Variants in CWC27 observed in about 807,000 individuals in gnomAD.
CWC27 encodes the protein CWC27 spliceosome associated cyclophilin, also known as spliceosome-associated protein CWC27 homolog.
In CWC27, 47 loss-of-function variants were observed where a neutral mutation model predicts 63.6. The observed-to-expected ratio is 0.74, with a 90% confidence interval of 0.58 to 0.94. The LOEUF is 0.94. Ranked by LOEUF, CWC27 falls within the 40% of genes least tolerant of loss-of-function variation. The probability of loss-of-function intolerance (pLI) is 0.00; values close to 1 mark genes in which losing one functional copy is unlikely to be tolerated. For synonymous variants in CWC27, 175 were observed against 179.8 expected, an observed-to-expected ratio of 0.97 and a Z score of 0.22; for missense variants, 495 against 554.3, an observed-to-expected ratio of 0.89 and a Z score of 1.07.
chr5:64,845,109 T>C, intron 10 of CWC27: 1 of 437,348 alleles, frequency 2.3e-6, no homozygotes, highest in Non-Finnish European at 4.6e-6. Flanking sequence ...CAGTGGAGTC[T>C]ATCCAGCAGC....
chr5:64,861,847 A>G (rs1486482703), intron 10 of CWC27, among the ~76,000 whole-genome samples: 1 of 152,188 alleles, frequency 6.6e-6, no homozygotes, highest in Non-Finnish European at 1.5e-5. Flanking sequence ...CTAAACTATC[A>G]TTCTCATTAC....
At chr5:64,965,239 C>T (rs1355464561) in intron 11 of CWC27, among the ~76,000 whole-genome samples, 1 of 152,214 alleles carries the variant, frequency 6.6e-6, no homozygotes, top group Non-Finnish European at 1.5e-5. Flanking sequence ...TGCCCTGAAG[C>T]ACCAAGTTTT....
At chr5:64,826,617 A>G (rs1745367662) in intron 10 of CWC27, among the ~76,000 whole-genome samples, 1 of 152,006 alleles carries the variant, frequency 6.6e-6, no homozygotes, top group African/African-American at 2.4e-5. Context: ...GAGAAACTAA[A>G]TGACAAGTAG....
intron 10 of CWC27, among the ~76,000 whole-genome samples, chr5:64,820,165 A>G (rs1561421742): frequency 1.3e-5 from 2 of 152,176 alleles, no homozygotes; most frequent in African/African-American, 4.8e-5. Context: ...ATTACTTTAG[A>G]TGAACACCTG....
intron 10 of CWC27, among the ~76,000 whole-genome samples, chr5:64,832,000 T>A (rs1745535151): frequency 6.6e-6 from 1 of 151,920 alleles, no homozygotes; most frequent in Non-Finnish European, 1.5e-5. Flanking sequence ...AGCACATATA[T>A]TTGTGGTTAT....
chr5:64,998,049 C>T (rs1173980847), intron 13 of CWC27, among the ~76,000 whole-genome samples: 4 of 152,116 alleles, frequency 2.6e-5, no homozygotes, highest in Admixed American at 6.6e-5. Context: ...TATTTGAATT[C>T]TAAACTCCCT....
At chr5:64,881,572 T>C (rs758938342) in intron 10 of CWC27, among the ~76,000 whole-genome samples, 2 of 152,146 alleles carry the variant, frequency 1.3e-5, no homozygotes, top group East Asian at 3.8e-4. Context: ...TCTTGTGTGC[T>C]CAATATTTTA....
At chr5:64,961,916 ACTAT>A (rs1300189533) in intron 11 of CWC27, among the ~76,000 whole-genome samples, 2 of 152,180 alleles carry the variant, frequency 1.3e-5, no homozygotes, top group African/African-American at 2.4e-5. Flanking sequence ...ATCCTTCATT[ACTAT>A]CTGTTTAGCA....
intron 11 of CWC27, among the ~76,000 whole-genome samples, chr5:64,941,038 G>T (rs1343137233): frequency 6.6e-6 from 1 of 151,578 alleles, no homozygotes; most frequent in African/African-American, 2.4e-5. Flanking sequence ...TAGAGATGGG[G>T]TTTCACCATG....
At position 64,993,184 on chromosome 5, in the gene CWC27, A is replaced by G. The variant is rs556071128; in HGVS notation, c.1256+15946A>G. Among the ~76,000 whole-genome samples the G allele has an allele frequency of 3.3e-5, 5 of 152,288 alleles. No individual in the cohort carries two copies. In the South Asian group the frequency reaches 1.0e-3, roughly 32 times the overall value. On this transcript the variant is annotated intron_variant, in intron 13 of 13. Transcript: ENST00000381070. ...GCCTGACCCTTAGAGAGTGCTCAGG[A>G]AATAGTAGGTGTGAGAGAGGGAAGT...
At chr5:64,935,528 A>G (rs904745510) in intron 11 of CWC27, among the ~76,000 whole-genome samples, 4 of 152,214 alleles carry the variant, frequency 2.6e-5, no homozygotes, top group Admixed American at 1.3e-4. Context: ...GTTTGAAGTC[A>G]GGTAGCATGA....
chr5:64,954,032 T>C (rs956688531), intron 11 of CWC27, among the ~76,000 whole-genome samples: 2 of 152,232 alleles, frequency 1.3e-5, no homozygotes, highest in African/African-American at 2.4e-5. Context: ...ATCTTTCATT[T>C]AAATGATATT....
chr5:64,977,023 C>A, intron 12 of CWC27, 112 bp from the exon 13 acceptor site: 1 of 546,788 alleles, frequency 1.8e-6, no homozygotes, highest in Non-Finnish European at 3.1e-6. Context: ...CAAAATCAAA[C>A]ATTTTGTTTT....
At chr5:64,786,457 T>A in intron 5 of CWC27, 67 bp from the exon 6 acceptor site, 1 of 907,970 alleles carries the variant, frequency 1.1e-6, no homozygotes, top group South Asian at 1.9e-5. Flanking sequence ...TGGAATTACA[T>A]ACGGGGTTTG....
intron 13 of CWC27, among the ~76,000 whole-genome samples, chr5:65,007,017 A>G (rs1258486106): frequency 6.6e-6 from 1 of 150,786 alleles, no homozygotes; most frequent in Non-Finnish European, 1.5e-5. Context: ...AAAGAAAGAA[A>G]GAAAGAAAAG....
chr5:64,777,495 C>T (rs1250527715), intron 2 of CWC27, among the ~76,000 whole-genome samples: 1 of 152,016 alleles, frequency 6.6e-6, no homozygotes, highest in African/African-American at 2.4e-5. Flanking sequence ...AGTATAAATT[C>T]CTCTATGAAC....
chr5:64,804,292 A>G lies in CWC27; in HGVS notation c.844A>G (p.Arg282Gly). The G allele has an allele frequency of 6.2e-7, 1 of 1,613,258 alleles. No individual in the cohort carries two copies. Among genetic ancestry groups the G allele is most frequent in the East Asian group, 2.2e-5 (1 of 44,812 alleles). ...YIDGDEKNLM[R>G]ERIAKKLKKD... is the part of the protein sequence containing the mutation. ...TGATGGTGATGAAAAGAACCTGATGAGAGAAAGAATTGCCAAAAAATTAAA... is the reference window on the plus strand; with the variant it reads ...TGATGGTGATGAAAAGAACCTGATGGGAGAAAGAATTGCCAAAAAATTAAA... The change falls in exon 10 of 14, where the codon AGA becomes GGA. Residue 282 changes from arginine (R) to glycine (G), a missense_variant. Arg to Gly is a moderately radical substitution (Grantham distance 125, BLOSUM62 -2). Coordinates refer to ENST00000381070, the MANE Select transcript of CWC27 (RefSeq NM_005869.4).
chr5:64,879,985 G>T (rs1157521360), intron 10 of CWC27, among the ~76,000 whole-genome samples: 2 of 151,902 alleles, frequency 1.3e-5, no homozygotes, highest in Non-Finnish European at 2.9e-5. Flanking sequence ...CATGTACCCT[G>T]TTTTTCCACC....
chr5:64,786,657 C>A, intron 6 of CWC27, 30 bp downstream of exon 6: 3 of 1,327,748 alleles, frequency 2.3e-6, no homozygotes, highest in Non-Finnish European at 3.1e-6. Flanking sequence ...TTTTCTTCAG[C>A]TTGAAAAATG....
Sources: gnomAD v4.1 joint callset for allele counts (sites outside exome capture counted in the v4.1 genomes callset) on GRCh38, gnomAD v4.1.1 for gene constraint, MANE v1.5 for transcripts, NCBI Gene and HGNC (gene_info 2026-07-23, HGNC 2026-07-21) for gene names.